DST: variants seen among roughly 807,000 people sequenced by gnomAD.
The protein encoded by DST is bullous pemphigoid antigen.
DST carries 253 observed loss-of-function variants against 875.2 expected under a neutral mutation model. The observed-to-expected ratio is 0.29, with a 90% CI of 0.26 to 0.32. The LOEUF (loss-of-function observed/expected upper bound fraction) is 0.32. DST is among the 10% of genes least tolerant of loss of function. DST has a pLI of 1.00. For synonymous variants in DST, 3,124 were observed against 3,197.1 expected, an observed-to-expected ratio of 0.98 and a Z score of 0.77; for missense variants, 8,287 against 9,111.6, an observed-to-expected ratio of 0.91 and a Z score of 3.68.
At chr6:56,923,717 A>G (rs1805468502) in intron 2 of DST, among the ~76,000 whole-genome samples, 1 of 152,156 alleles carries the variant, frequency 6.6e-6, no homozygotes, top group Non-Finnish European at 1.5e-5. Context: ...ACTCAGGGGA[A>G]GGTCAGTCTT....
rs143720035 is a variant in DST, at chr6:56,890,114, C to T, written c.417+10307G>A. 2.3e-3 allele frequency among the ~76,000 whole-genome samples: 343 copies of T among 152,190 alleles called. 6 individuals carry two copies. The highest frequency in any genetic ancestry group is 0.014 in the Middle Eastern group (4 of 294). On this transcript the variant is annotated intron_variant, in intron 3 of 103. Transcript: ENST00000680361. ...GAGTTCTCCATTCCTTACTCAAAAA[C>T]GGCTCAAGCCAAGAGTGCCTAGGTT...
intron 98 of DST, among the ~76,000 whole-genome samples, chr6:56,468,339 T>G (rs536168151): frequency 6.6e-5 from 10 of 152,312 alleles, no homozygotes; most frequent in African/African-American, 2.2e-4. Context: ...TCGATCAAGA[T>G]GGCATAAAAT....
chr6:56,783,689 CTG>C (rs2099699081), intron 4 of DST, among the ~76,000 whole-genome samples: 1 of 152,190 alleles, frequency 6.6e-6, no homozygotes, highest in African/African-American at 2.4e-5. Flanking sequence ...ATTTGCCAGT[CTG>C]TGTCTTTTAA....
At chr6:56,538,668 C>G (rs2097062663) in intron 61 of DST, among the ~76,000 whole-genome samples, 1 of 152,124 alleles carries the variant, frequency 6.6e-6, no homozygotes, top group Non-Finnish European at 1.5e-5. Context: ...TGATCATTTT[C>G]TCTAAAATCT....
chr6:56,468,458 T>G (rs1379785025), intron 98 of DST, among the ~76,000 whole-genome samples: 2 of 152,100 alleles, frequency 1.3e-5, no homozygotes, highest in Non-Finnish European at 2.9e-5. Context: ...GCCCCAAAAT[T>G]GGTGATTTTG....
At chr6:56,501,886 AT>A (rs2096138944) in intron 78 of DST, among the ~76,000 whole-genome samples, 193 bp from the exon 79 acceptor site, 1 of 152,140 alleles carries the variant, frequency 6.6e-6, no homozygotes, top group Non-Finnish European at 1.5e-5. Flanking sequence ...TTTTCTCTTT[AT>A]TCAATATTTT....
At chr6:56,775,777 T>C (rs1017146889) in intron 4 of DST, among the ~76,000 whole-genome samples, 5 of 152,250 alleles carry the variant, frequency 3.3e-5, no homozygotes, top group African/African-American at 1.2e-4. Flanking sequence ...TAGCATAACA[T>C]TGGATTATAA....
intron 103 of DST, among the ~76,000 whole-genome samples, chr6:56,459,566 T>C (rs1300774712): frequency 3.9e-5 from 6 of 152,222 alleles, no homozygotes; most frequent in Non-Finnish European, 8.8e-5. Flanking sequence ...TCCTTTAAGA[T>C]TGTGCTTTCT....
At chr6:56,793,953 T>C (rs1260070263) in intron 4 of DST, among the ~76,000 whole-genome samples, 2 of 152,242 alleles carry the variant, frequency 1.3e-5, no homozygotes, top group Admixed American at 1.3e-4. Flanking sequence ...AATACAGTCA[T>C]GACTGATTTA....
At position 56,606,316 on chromosome 6, in the gene DST, T is replaced by A; in HGVS notation, c.8312A>T (p.Glu2771Val). 1 of 1,608,958 alleles carries A rather than the reference T, an allele frequency of 6.2e-7. No homozygotes were observed. Among genetic ancestry groups the A allele is most frequent in the South Asian group, 1.1e-5 (1 of 90,424 alleles). Residue 2771 changes from glutamate (E) to valine (V), a missense_variant, in exon 40 of 104, where the codon GAG (glutamate) becomes GTG (valine). Glu to Val is a moderately radical substitution (Grantham distance 121, BLOSUM62 -2). Coordinates refer to ENST00000680361, the MANE Select transcript of DST (RefSeq NM_001374736.1). ...DSGSWRGRKE[E>V]YVTGQEFHSD... The stretch of plus-strand genomic sequence containing the variant: ...GTGAAATTCCTGTCCAGTTACATAC[T>A]CTTCCTTTCTTCCTCTCCAACTGCC...
At chr6:56,672,775 T>C (rs2099108392) in intron 9 of DST, among the ~76,000 whole-genome samples, 1 of 152,220 alleles carries the variant, frequency 6.6e-6, no homozygotes, top group African/African-American at 2.4e-5. Flanking sequence ...AGATGAGCTA[T>C]GTTATTGTTG....
intron 36 of DST, chr6:56,617,005 G>A (rs752672828): frequency 2.5e-6 from 4 of 1,610,514 alleles, no homozygotes; most frequent in East Asian, 2.2e-5. Flanking sequence ...CGGCCGCTGA[G>A]GCAAATGAAA....
chr6:56,552,781 C>G lies in DST; in HGVS notation c.16011G>C (p.Gln5337His), dbSNP rs754790209. The change falls in exon 61 of 104, where the codon CAG becomes CAC. Residue 5337 changes from glutamine (Q) to histidine (H), a missense_variant. Physicochemically the swap from Gln to His is conservative, Grantham distance 24. Transcript: ENST00000680361. ...AGTCTGAGGCCTCTACCACAAGGTC[C>G]TGTGCAAGTCTTTTAGCCAAATCTA... is the stretch of plus-strand genomic sequence containing the variant. ...HQVDLAKRLA[Q>H]DLVVEASDSK... 60 of 1,610,496 alleles carry G rather than the reference C, an allele frequency of 3.7e-5. No individual in the cohort carries two copies. Among genetic ancestry groups the G allele is most frequent in the Non-Finnish European group, 3.5e-5 (41 of 1,179,882 alleles).
intron 9 of DST, among the ~76,000 whole-genome samples, chr6:56,677,576 C>A (rs2099137133): frequency 6.6e-6 from 1 of 152,194 alleles, no homozygotes; most frequent in Non-Finnish European, 1.5e-5. Flanking sequence ...TCCCAAAGTG[C>A]TGGGATTATA....
In DST at chr6:56,606,176, C is replaced by T; in HGVS notation, c.8452G>A (p.Gly2818Ser). Residue 2818 changes from glycine (G) to serine (S), a missense_variant, in exon 40 of 104, where the codon GGT becomes AGT. By Grantham distance (56) the Gly-to-Ser change is moderately conservative. This residue lies in a region of DST where 3,138 missense variants were observed against 3,116.6 expected (regional missense o/e 1.01). Transcript: ENST00000680361. ...DDDGIDEEGG[G>S]IRDENGKPRC... ...GGCTTTCCATTCTCATCTCTTATAC[C>T]TCCTCCTTCTTCATCAATGCCATCA... 1 of 1,594,138 alleles carries T rather than the reference C, an allele frequency of 6.3e-7. No homozygotes were observed. Among genetic ancestry groups the T allele is most frequent in the Non-Finnish European group, 8.6e-7 (1 of 1,168,392 alleles).
At chr6:56,731,786 G>A (rs553604711) in intron 5 of DST, among the ~76,000 whole-genome samples, 1 of 152,140 alleles carries the variant, frequency 6.6e-6, no homozygotes, top group Non-Finnish European at 1.5e-5. Flanking sequence ...CAGTCATAGA[G>A]TAATATTTCT....
intron 2 of DST, among the ~76,000 whole-genome samples, chr6:56,942,743 C>T (rs1339703308): frequency 8.2e-6 from 1 of 121,598 alleles, no homozygotes; most frequent in African/African-American, 3.2e-5. Flanking sequence ...AGAGATAGGG[C>T]CTTGCTCTGC....
intron 22 of DST, 118 bp from the exon 23 acceptor site, chr6:56,636,770 GGCAGAATAA>G (rs2098829733): frequency 2.3e-6 from 2 of 887,270 alleles, no homozygotes; most frequent in Admixed American, 1.9e-5. Flanking sequence ...CAATTGTTTT[GGCAGAATAA>G]GACTTGGAAA....
At position 56,631,201 on chromosome 6, in the gene DST, A is replaced by AG; in HGVS notation, c.4142+9dup. The AG allele has an allele frequency of 6.5e-7, 1 of 1,541,772 alleles. No individual in the cohort carries two copies. The highest frequency in any genetic ancestry group is 2.3e-5 in the East Asian group (1 of 44,284). Reference sequence around the variant, plus strand: ...GAAGCAATTTATATATTGAGATAGCAGTTACATACTTATCTATGTAAGTGG... The same window carrying AG: ...GAAGCAATTTATATATTGAGATAGCAGGTTACATACTTATCTATGTAAGTGG... On this transcript the variant is annotated intron_variant, in intron 30 of 103. Transcript: ENST00000680361.
Sources: gnomAD v4.1 joint callset for allele counts (sites outside exome capture counted in the v4.1 genomes callset) on GRCh38, gnomAD v4.1.1 for gene constraint, gnomAD v4.1.1 regional missense constraint, MANE v1.5 for transcripts, NCBI Gene and HGNC (gene_info 2026-07-23, HGNC 2026-07-21) for gene names.